Variants in BMPR1A observed in about 807,000 individuals in gnomAD.
The protein encoded by BMPR1A is bone morphogenetic protein receptor type-1A.
In BMPR1A, 7 loss-of-function variants were observed where a neutral mutation model predicts 66.0. The observed-to-expected ratio is 0.11, with a 90% confidence interval of 0.06 to 0.20. BMPR1A has a LOEUF of 0.20. Ranked by LOEUF, BMPR1A falls within the 10% of genes least tolerant of loss-of-function variation. The probability of loss-of-function intolerance (pLI) is 1.00; values close to 1 mark genes in which losing one functional copy is unlikely to be tolerated. For synonymous variants in BMPR1A, 200 were observed against 229.7 expected (o/e 0.87, Z 1.17); for missense variants, 408 against 669.1 (o/e 0.61, Z 4.31).
At chr10:86,824,220 G>A (rs1842162030) in intron 1 of BMPR1A, among the ~76,000 whole-genome samples, 1 of 152,072 alleles carries the variant, frequency 6.6e-6, no homozygotes, top group Admixed American at 6.6e-5. Flanking sequence ...TTGCAAGAAG[G>A]TGGGCAGTCC....
Position 86,756,883 on chromosome 10 carries a change from G to C in BMPR1A, c.-304G>C, listed in dbSNP as rs1847878663. The C allele has an allele frequency of 6.6e-6, 1 of 152,032 alleles. No homozygotes were observed. Among genetic ancestry groups the C allele is most frequent in the South Asian group, 2.1e-4 (1 of 4,840 alleles). The allele number at this position is 152,032 out of a possible 1,614,324, so 9.4% of individuals were successfully genotyped here. On this transcript the variant is annotated 5_prime_UTR_variant, in exon 1 of 13. Coordinates refer to ENST00000372037, the MANE Select transcript of BMPR1A (RefSeq NM_004329.3). ...GCGGCTCGCCGCGCCCACCCGCTCC[G>C]CGCCGAGGGCTGGAGGATGCGTTCC...
chr10:86,906,957 A>C (rs1370722117), intron 7 of BMPR1A, among the ~76,000 whole-genome samples: 1 of 151,024 alleles, frequency 6.6e-6, no homozygotes, highest in Non-Finnish European at 1.5e-5. Flanking sequence ...ACCTGTGTCC[A>C]TCTGAGCTGT....
chr10:86,885,964 G>A (rs992979680), intron 3 of BMPR1A, among the ~76,000 whole-genome samples: 10 of 152,106 alleles, frequency 6.6e-5, no homozygotes, highest in Non-Finnish European at 1.3e-4. Flanking sequence ...GCCTGTGTAT[G>A]GTCATGTGTC....
At chr10:86,923,340 C>T in intron 11 of BMPR1A, 36 bp from the exon 12 acceptor site, 1 of 1,613,432 alleles carries the variant, frequency 6.2e-7, no homozygotes, top group Non-Finnish European at 8.5e-7. Context: ...TGTCCAGCAA[C>T]CATTTTTGTG....
intron 2 of BMPR1A, among the ~76,000 whole-genome samples, chr10:86,864,091 C>T (rs1460906621): frequency 6.6e-6 from 1 of 152,150 alleles, no homozygotes; most frequent in Non-Finnish European, 1.5e-5. Context: ...AAGTATGATA[C>T]CCTTTTCAGC....
At chr10:86,890,356 G>A in intron 4 of BMPR1A, 132 bp downstream of exon 4, 4 of 1,102,956 alleles carry the variant, frequency 3.6e-6, no homozygotes, top group Non-Finnish European at 5.3e-6. Flanking sequence ...AAGCCAAAAA[G>A]CCTTTTGTTT....
intron 1 of BMPR1A, among the ~76,000 whole-genome samples, chr10:86,808,706 A>T (rs1437623404): frequency 6.6e-6 from 1 of 152,340 alleles, no homozygotes; most frequent in East Asian, 1.9e-4. Context: ...TTAAACTGTG[A>T]AGTGCTACAG....
chr10:86,815,096 C>T (rs1374443834), intron 1 of BMPR1A, among the ~76,000 whole-genome samples: 1 of 152,106 alleles, frequency 6.6e-6, no homozygotes, highest in Non-Finnish European at 1.5e-5. Context: ...TCCCCATTTT[C>T]TTATAATAAC....
chr10:86,921,981 C>T (rs571623995), intron 11 of BMPR1A, among the ~76,000 whole-genome samples: 13 of 152,258 alleles, frequency 8.5e-5, no homozygotes, highest in African/African-American at 2.9e-4. Context: ...TAGTCCTCCC[C>T]GTTGTGCTAT....
At chr10:86,794,808 T>TTATCTA (rs200027176) in intron 1 of BMPR1A, among the ~76,000 whole-genome samples, 4 of 150,726 alleles carry the variant, frequency 2.7e-5, no homozygotes, top group Non-Finnish European at 5.9e-5. Context: ...AAATTCAAAT[T>TTATCTA]TATCTATATC....
At chr10:86,862,978 C>CT (rs11405359) in intron 2 of BMPR1A, among the ~76,000 whole-genome samples, 25,246 of 139,766 alleles carry the variant, frequency 0.18, 3,054 homozygotes, top group African/African-American at 0.37. Flanking sequence ...TTTGAGCTGC[C>CT]TTTTTTTTTT....
intron 1 of BMPR1A, among the ~76,000 whole-genome samples, chr10:86,759,084 G>A (rs1358159309): frequency 6.6e-6 from 1 of 152,180 alleles, no homozygotes; most frequent in Non-Finnish European, 1.5e-5. Flanking sequence ...ATGGAGACCT[G>A]ATCTGGTGCT....
intron 2 of BMPR1A, chr10:86,855,651 CCTGAGTAT>C (rs1842630635): frequency 1.5e-6 from 1 of 684,926 alleles, no homozygotes; most frequent in African/African-American, 1.8e-5. Flanking sequence ...GCAGCTTTCT[CCTGAGTAT>C]CTAATTTGCA....
At chr10:86,905,979 T>C (rs1843380460) in intron 7 of BMPR1A, among the ~76,000 whole-genome samples, 1 of 152,190 alleles carries the variant, frequency 6.6e-6, no homozygotes, top group Admixed American at 6.5e-5. Flanking sequence ...TGTATTTAAT[T>C]CCAAGTTTTA....
At chr10:86,758,995 A>G (rs542848357) in intron 1 of BMPR1A, among the ~76,000 whole-genome samples, 2 of 152,370 alleles carry the variant, frequency 1.3e-5, no homozygotes, top group East Asian at 3.9e-4. Flanking sequence ...TAGTGGGGAA[A>G]TACTTATTGA....
intron 1 of BMPR1A, among the ~76,000 whole-genome samples, chr10:86,836,610 C>T (rs1842350961): frequency 1.3e-5 from 2 of 152,030 alleles, no homozygotes; most frequent in South Asian, 4.2e-4. Flanking sequence ...TCAGGCTGGC[C>T]GACATGACGA....
intron 2 of BMPR1A, chr10:86,843,407 A>T (rs543330181): frequency 6.6e-6 from 1 of 152,184 alleles, no homozygotes; most frequent in African/African-American, 2.4e-5. Context: ...ATTCTACAGG[A>T]TATTACTTTT....
intron 3 of BMPR1A, among the ~76,000 whole-genome samples, chr10:86,884,385 A>T (rs1328328291): frequency 1.5e-5 from 2 of 135,384 alleles, no homozygotes; most frequent in African/African-American, 5.5e-5. Context: ...CATGCCTGGC[A>T]AACACATGAT....
chr10:86,876,342 A>G (rs1294745380), intron 3 of BMPR1A, among the ~76,000 whole-genome samples: 1 of 152,236 alleles, frequency 6.6e-6, no homozygotes, highest in Non-Finnish European at 1.5e-5. Flanking sequence ...ACACAGCATT[A>G]GGTCTTGTGA....
Sources: allele counts gnomAD v4.1 joint callset (sites outside exome capture counted in the v4.1 genomes callset), GRCh38; gene constraint gnomAD v4.1.1; transcripts MANE v1.5; gene names NCBI Gene and HGNC (gene_info 2026-07-23, HGNC 2026-07-21).